LRRTM4: variants seen among roughly 807,000 people sequenced by gnomAD.
The protein encoded by LRRTM4 is leucine rich repeat transmembrane neuronal 4, also known as leucine-rich repeat transmembrane neuronal protein 4.
In LRRTM4, 25 loss-of-function variants were observed where a neutral mutation model predicts 47.6. That is an observed-to-expected ratio of 0.53 (90% CI 0.38 to 0.73). The LOEUF (loss-of-function observed/expected upper bound fraction) is 0.73. Ranked by LOEUF, LRRTM4 falls within the 30% of genes least tolerant of loss-of-function variation. The pLI is 0.00. For missense variants in LRRTM4, 638 were observed against 713.4 expected (o/e 0.89, Z 1.20); for synonymous variants, 311 against 269.5 (o/e 1.15, Z -1.51).
chr2:77,044,555 T>G (rs1256897705), intron 3 of LRRTM4, among the ~76,000 whole-genome samples: 1 of 150,922 alleles, frequency 6.6e-6, no homozygotes, highest in Non-Finnish European at 1.5e-5. Context: ...TGTGTGTCTG[T>G]GAGTGTGTGT....
intron 3 of LRRTM4, among the ~76,000 whole-genome samples, chr2:77,350,638 GA>G (rs1385270472): frequency 6.6e-6 from 1 of 152,042 alleles, no homozygotes; most frequent in Non-Finnish European, 1.5e-5. Flanking sequence ...AATTGACTTG[GA>G]AAACTTATTT....
At chr2:76,960,701 G>A (rs950364983) in intron 3 of LRRTM4, among the ~76,000 whole-genome samples, 3 of 151,446 alleles carry the variant, frequency 2.0e-5, no homozygotes, top group Non-Finnish European at 4.4e-5. Flanking sequence ...ACGACGTTAA[G>A]TTTTGAACCT....
At chr2:77,252,939 C>CG (rs1459696268) in intron 3 of LRRTM4, among the ~76,000 whole-genome samples, 1 of 152,088 alleles carries the variant, frequency 6.6e-6, no homozygotes, top group Admixed American at 6.6e-5. Context: ...TTCATATGGT[C>CG]GTTGTGTTGT....
intron 3 of LRRTM4, among the ~76,000 whole-genome samples, chr2:77,478,760 T>C (rs1055699008): frequency 1.3e-5 from 2 of 152,242 alleles, no homozygotes; most frequent in Non-Finnish European, 2.9e-5. Flanking sequence ...GTCTTTGATG[T>C]GAGGATGGTA....
At chr2:77,049,578 G>A (rs535294761) in intron 3 of LRRTM4, among the ~76,000 whole-genome samples, 27 of 151,924 alleles carry the variant, frequency 1.8e-4, no homozygotes, top group South Asian at 8.3e-4. Context: ...CCTGTTGACC[G>A]TTTGTTTGTC....
At chr2:77,097,090 GTAT>G (rs1273598920) in intron 3 of LRRTM4, among the ~76,000 whole-genome samples, 1 of 151,802 alleles carries the variant, frequency 6.6e-6, no homozygotes, top group Non-Finnish European at 1.5e-5. Flanking sequence ...TAGGACAATA[GTAT>G]TATCAGATTA....
At chr2:77,408,096 T>A (rs1674282032) in intron 3 of LRRTM4, among the ~76,000 whole-genome samples, 1 of 152,160 alleles carries the variant, frequency 6.6e-6, no homozygotes, top group African/African-American at 2.4e-5. Context: ...ACCAGTCTTA[T>A]AAGAAAATAT....
chr2:77,149,914 C>T (rs1355076865), intron 3 of LRRTM4, among the ~76,000 whole-genome samples: 1 of 152,124 alleles, frequency 6.6e-6, no homozygotes, highest in African/African-American at 2.4e-5. Flanking sequence ...ACATAGCTCA[C>T]TTACATACAT....
At chr2:76,949,223 G>A (rs74924900) in intron 3 of LRRTM4, among the ~76,000 whole-genome samples, 2,023 of 151,922 alleles carry the variant, frequency 0.013, 47 homozygotes, top group African/African-American at 0.047. Context: ...CCTCAACACT[G>A]AACCTGGGTA....
chr2:76,923,056 C>G (rs753606805), intron 3 of LRRTM4, among the ~76,000 whole-genome samples: 15 of 151,982 alleles, frequency 9.9e-5, no homozygotes, highest in Non-Finnish European at 1.8e-4. Context: ...GGAAGAATCA[C>G]AAAAGTACTA....
intron 3 of LRRTM4, among the ~76,000 whole-genome samples, chr2:77,047,998 G>C (rs1300657261): frequency 6.6e-6 from 1 of 151,928 alleles, no homozygotes. Context: ...GTTAAATAAG[G>C]TGATTATTTT....
At chr2:76,807,556 G>T (rs1487186677) in intron 3 of LRRTM4, among the ~76,000 whole-genome samples, 1 of 145,498 alleles carries the variant, frequency 6.9e-6, no homozygotes, top group Non-Finnish European at 1.5e-5. Flanking sequence ...CCATAATCAT[G>T]ATTTTCTATT....
At chr2:77,486,933 A>G (rs1329953303) in intron 3 of LRRTM4, among the ~76,000 whole-genome samples, 2 of 152,272 alleles carry the variant, frequency 1.3e-5, no homozygotes, top group Non-Finnish European at 2.9e-5. Flanking sequence ...ACATGCAGAA[A>G]AAAACGCAAA....
chr2:77,503,236 C>T (rs1181007688), intron 3 of LRRTM4, among the ~76,000 whole-genome samples: 1 of 151,392 alleles, frequency 6.6e-6, no homozygotes, highest in African/African-American at 2.4e-5. Flanking sequence ...CAAAAATTGT[C>T]ACTAGTAAAG....
intron 3 of LRRTM4, among the ~76,000 whole-genome samples, chr2:76,783,971 A>G (rs1674532580): frequency 6.6e-6 from 1 of 152,162 alleles, no homozygotes; most frequent in Non-Finnish European, 1.5e-5. Flanking sequence ...GAGGGTTAAG[A>G]AAATGTTTGA....
intron 3 of LRRTM4, among the ~76,000 whole-genome samples, chr2:77,369,480 G>T (rs887124891): frequency 6.6e-6 from 1 of 151,702 alleles, no homozygotes; most frequent in Admixed American, 6.6e-5. Context: ...ACAACATGAA[G>T]ACGAAAGTGG....
chr2:77,439,271 C>T (rs570745760), intron 3 of LRRTM4, among the ~76,000 whole-genome samples: 10 of 152,250 alleles, frequency 6.6e-5, no homozygotes, highest in African/African-American at 1.7e-4. Flanking sequence ...ATTTATAATG[C>T]TAAATTTTCA....
intron 3 of LRRTM4, among the ~76,000 whole-genome samples, chr2:77,049,157 T>TATACAC (rs1351971551): frequency 1.2e-4 from 13 of 106,374 alleles, no homozygotes; most frequent in African/African-American, 3.5e-4. Flanking sequence ...TATATATATA[T>TATACAC]ACACACACAC....
chr2:77,104,326 C>G (rs923526025), intron 3 of LRRTM4, among the ~76,000 whole-genome samples: 12 of 152,088 alleles, frequency 7.9e-5, no homozygotes. Flanking sequence ...GTTTCTGTCC[C>G]TCGTCAATTC....
Sources: allele counts gnomAD v4.1 joint callset (sites outside exome capture counted in the v4.1 genomes callset), GRCh38; gene constraint gnomAD v4.1.1; transcripts MANE v1.5; gene names NCBI Gene and HGNC (gene_info 2026-07-23, HGNC 2026-07-21).